CACNA1C: variants seen among roughly 807,000 people sequenced by gnomAD.
CACNA1C encodes voltage-dependent L-type calcium channel subunit alpha-1C.
Under a neutral mutation model 229.0 loss-of-function variants are expected in CACNA1C, and 30 were observed. That is an observed-to-expected ratio of 0.13 (90% CI 0.10 to 0.18). The LOEUF is 0.18. Ranked by LOEUF, CACNA1C falls within the 10% of genes least tolerant of loss-of-function variation. CACNA1C has a pLI of 1.00. For missense variants in CACNA1C, 1,658 were observed against 2,845.0 expected (o/e 0.58, Z 9.49); for synonymous variants, 1,114 against 1,132.5 (o/e 0.98, Z 0.33).
At chr12:2,411,714 T>G (rs2887781) in intron 3 of CACNA1C, among the ~76,000 whole-genome samples, 56,115 of 152,056 alleles carry the variant, frequency 0.37, 10,518 homozygotes, top group Admixed American at 0.48. Flanking sequence ...GAAGAAGATT[T>G]CAGATCCTCA....
intron 3 of CACNA1C, among the ~76,000 whole-genome samples, chr12:2,262,812 A>G (rs1376419714): frequency 6.6e-6 from 1 of 152,200 alleles, no homozygotes; most frequent in African/African-American, 2.4e-5. Context: ...TTTAAATGTT[A>G]TCTGAATGCC....
Position 2,595,412 on chromosome 12 carries a change from G to T in CACNA1C, c.2664-462G>T, listed in dbSNP as rs942332521. ...CAGTTGGGTAATTGTGCTGGGGCAT[G>T]GAAGTGAATTGCACATTTAAAGCTA... On this transcript the variant is annotated intron_variant, in intron 19 of 46. Transcript: ENST00000399655. This position sits in a 1 kb window ranked among gnomAD's most constrained non-coding sequence, Gnocchi z 4.1. 2.0e-5 allele frequency among the ~76,000 whole-genome samples: 3 copies of T among 152,134 alleles called. No homozygotes were observed. Among genetic ancestry groups the T allele is most frequent in the African/African-American group, 7.2e-5 (3 of 41,442 alleles).
rs140262476 is a variant in CACNA1C, at chr12:2,089,843, G to A, written c.50-25381G>A. 8.0e-5 allele frequency among the ~76,000 whole-genome samples: 12 copies of A among 149,758 alleles called. No individual in the cohort carries two copies. In the East Asian group the frequency reaches 9.8e-4, roughly 12 times the overall value. ...AGGTCGGGAGATCGAGACCAGCCTG[G>A]CCAACATAGTGAAACCCCTACTAAA... On this transcript the variant is annotated intron_variant, in intron 1 of 46. Coordinates refer to ENST00000399655, the MANE Select transcript of CACNA1C (RefSeq NM_000719.7).
intron 3 of CACNA1C, among the ~76,000 whole-genome samples, chr12:2,355,840 C>A (rs1016042488): frequency 6.6e-6 from 1 of 152,112 alleles, no homozygotes; most frequent in Non-Finnish European, 1.5e-5. Flanking sequence ...GACAGCCCCA[C>A]CCCAGAGAAT....
intron 3 of CACNA1C, among the ~76,000 whole-genome samples, chr12:2,388,245 C>T (rs1011053900): frequency 1.3e-5 from 2 of 152,114 alleles, no homozygotes; most frequent in Non-Finnish European, 2.9e-5. Context: ...TAAAAATATA[C>T]ACTTGAAATT....
intron 3 of CACNA1C, among the ~76,000 whole-genome samples, chr12:2,377,049 C>T (rs573734508): frequency 6.6e-6 from 1 of 152,090 alleles, no homozygotes; most frequent in Non-Finnish European, 1.5e-5. Context: ...TCTTGGCAGC[C>T]CCAGGGTAAT....
intron 3 of CACNA1C, among the ~76,000 whole-genome samples, chr12:2,166,304 C>T (rs938088007): frequency 1.3e-5 from 2 of 152,210 alleles, no homozygotes; most frequent in African/African-American, 4.8e-5. Context: ...TTGGGATTAT[C>T]ACTCACACCC....
At chr12:2,006,538 A>G (rs1197557787) in intron 1 of CACNA1C, among the ~76,000 whole-genome samples, 1 of 152,270 alleles carries the variant, frequency 6.6e-6, no homozygotes, top group African/African-American at 2.4e-5. Flanking sequence ...AACTGTGCAG[A>G]CATTACTACT....
At chr12:2,035,038 C>T (rs1013500222) in intron 1 of CACNA1C, among the ~76,000 whole-genome samples, 7 of 152,198 alleles carry the variant, frequency 4.6e-5, no homozygotes, top group Admixed American at 2.6e-4. Flanking sequence ...GAGCCGCAAC[C>T]GCGACAGCCC....
chr12:2,156,141 G>A (rs769610084), intron 3 of CACNA1C, among the ~76,000 whole-genome samples: 60 of 152,218 alleles, frequency 3.9e-4, no homozygotes, highest in Middle Eastern at 3.4e-3. Flanking sequence ...ATCTTTTAAG[G>A]TACACATACA....
At chr12:2,323,940 TG>T (rs2096154108) in intron 3 of CACNA1C, among the ~76,000 whole-genome samples, 1 of 151,934 alleles carries the variant, frequency 6.6e-6, no homozygotes, top group Non-Finnish European at 1.5e-5. Flanking sequence ...TGGTGGTGAG[TG>T]AAGGGCATGG....
At chr12:2,593,143 A>T in intron 18 of CACNA1C, 70 bp from the exon 19 acceptor site, 1 of 1,526,456 alleles carries the variant, frequency 6.6e-7, no homozygotes, top group Non-Finnish European at 8.9e-7. Context: ...TGCCAGTAGG[A>T]AGGTCTCTGA....
At chr12:2,249,232 C>G (rs1183590881) in intron 3 of CACNA1C, among the ~76,000 whole-genome samples, 1 of 152,174 alleles carries the variant, frequency 6.6e-6, no homozygotes, top group East Asian at 1.9e-4. Context: ...ACGTATACTT[C>G]ACTGGGTCAT....
At chr12:2,234,045 A>G (rs2066365007) in intron 3 of CACNA1C, among the ~76,000 whole-genome samples, 4 of 152,192 alleles carry the variant, frequency 2.6e-5, no homozygotes, top group Admixed American at 2.6e-4. Context: ...GCTGTTTATT[A>G]GCATTTCCTT....
chr12:2,087,141 T>A (rs745547702), intron 1 of CACNA1C, among the ~76,000 whole-genome samples: 9 of 152,192 alleles, frequency 5.9e-5, no homozygotes, highest in Non-Finnish European at 1.3e-4. Flanking sequence ...ATTTCTCTTT[T>A]CTTGCTGGCC....
intron 3 of CACNA1C, among the ~76,000 whole-genome samples, chr12:2,404,528 G>C (rs911427821): frequency 2.0e-5 from 3 of 152,078 alleles, no homozygotes; most frequent in African/African-American, 7.2e-5. Context: ...ATGATCAGAC[G>C]ATTTGTTGGA....
intron 1 of CACNA1C, among the ~76,000 whole-genome samples, chr12:1,972,583 T>A (rs1427422526): frequency 6.6e-6 from 1 of 152,220 alleles, no homozygotes; most frequent in Non-Finnish European, 1.5e-5. Flanking sequence ...GAATCTGTGG[T>A]CTAACAAGGT....
chr12:2,028,255 C>G (rs532835688), intron 1 of CACNA1C, among the ~76,000 whole-genome samples: 2 of 152,136 alleles, frequency 1.3e-5, no homozygotes, highest in African/African-American at 4.8e-5. Flanking sequence ...GCATGGAGAG[C>G]GGGTCTGCAT....
chr12:2,421,623 G>A (rs982458214), intron 3 of CACNA1C, among the ~76,000 whole-genome samples: 6 of 152,094 alleles, frequency 3.9e-5, no homozygotes, highest in Admixed American at 6.5e-5. Flanking sequence ...TAAGAGTATC[G>A]CAATTCTGGC....
Sources: allele counts gnomAD v4.1 joint callset (sites outside exome capture counted in the v4.1 genomes callset), GRCh38; gene constraint gnomAD v4.1.1; non-coding constraint Gnocchi (gnomAD v3.1); transcripts MANE v1.5; gene names NCBI Gene and HGNC (gene_info 2026-07-23, HGNC 2026-07-21).